PAK6: variants seen among roughly 807,000 people sequenced by gnomAD.
The protein encoded by PAK6 is p21 (RAC1) activated kinase 6.
Under a neutral mutation model 60.8 loss-of-function variants are expected in PAK6, and 33 were observed. The observed-to-expected ratio is 0.54, with a 90% CI of 0.41 to 0.73. PAK6 has a LOEUF of 0.73. Ranked by LOEUF, PAK6 falls within the 30% of genes least tolerant of loss-of-function variation. The pLI is 0.00. For missense variants in PAK6, 845 were observed against 904.1 expected (o/e 0.93, Z 0.84); for synonymous variants, 404 against 378.5 (o/e 1.07, Z -0.78).
intron 1 of PAK6, chr15:40,240,239 G>C (rs1484296524): frequency 1.7e-5 from 3 of 172,160 alleles, no homozygotes; most frequent in Non-Finnish European, 2.5e-5. Flanking sequence ...CTCTTATGCA[G>C]GGCCAGTCAG....
At chr15:40,254,111 G>T (rs1322023903) in intron 3 of PAK6, among the ~76,000 whole-genome samples, 1 of 152,162 alleles carries the variant, frequency 6.6e-6, no homozygotes, top group Non-Finnish European at 1.5e-5. Context: ...AAGAGAGTGG[G>T]GTTTGAATCT....
intron 2 of PAK6, among the ~76,000 whole-genome samples, chr15:40,243,269 G>T (rs564292160): frequency 6.6e-6 from 1 of 152,152 alleles, no homozygotes; most frequent in Non-Finnish European, 1.5e-5. Flanking sequence ...GTGAAGGCTC[G>T]GGGAGATAGA....
chr15:40,273,123 G>T, intron 7 of PAK6, 124 bp downstream of exon 7: 1 of 1,319,698 alleles, frequency 7.6e-7, no homozygotes, highest in South Asian at 1.4e-5. Flanking sequence ...TGCCTGCTGG[G>T]GTAACTGAGA....
intron 2 of PAK6, among the ~76,000 whole-genome samples, chr15:40,248,132 C>G (rs972059572): frequency 6.6e-6 from 1 of 152,194 alleles, no homozygotes; most frequent in African/African-American, 2.4e-5. Flanking sequence ...GGCTCCCGTC[C>G]GCAGGACTCC....
At chr15:40,240,289 C>T (rs1007258411) in intron 1 of PAK6, among the ~76,000 whole-genome samples, 3 of 152,202 alleles carry the variant, frequency 2.0e-5, no homozygotes, top group African/African-American at 7.2e-5. Context: ...GGGACACATT[C>T]AGTGAGAAGG....
At chr15:40,276,020 C>T in exon 11 of PAK6, 3 of 1,613,716 alleles carry the variant, frequency 1.9e-6, no homozygotes, top group Non-Finnish European at 2.5e-6. Context: ...CCACCCCTTC[C>T]TGCTGCAGAC....
At chr15:40,265,859 C>T (rs765661327) in exon 5 of PAK6, 10 of 1,545,412 alleles carry the variant, frequency 6.5e-6, no homozygotes, top group Non-Finnish European at 7.9e-6. Flanking sequence ...TGCGGGGCAG[C>T]GCGATGCCTG....
chr15:40,252,056 C>A, intron 2 of PAK6: 1 of 258,820 alleles, frequency 3.9e-6, no homozygotes, highest in Non-Finnish European at 7.6e-6. Flanking sequence ...ACTGGAATCC[C>A]TTAAATCCCG....
At chr15:40,265,903 T>C in exon 5 of PAK6, 1 of 1,590,284 alleles carries the variant, frequency 6.3e-7, no homozygotes, top group Non-Finnish European at 8.6e-7. Flanking sequence ...CTCAACGACA[T>C]CCAGAAGTTG....
At chr15:40,273,325 T>C (rs374636911) in intron 7 of PAK6, 21 bp from the exon 8 acceptor site, 1 of 1,610,854 alleles carries the variant, frequency 6.2e-7, no homozygotes, top group Non-Finnish European at 8.5e-7. Flanking sequence ...TTTCATCGGG[T>C]GGCCCCACCT....
chr15:40,258,944 T>TTTCCAGCCTGAGGTGGAATCTTCA (rs2038910963), intron 3 of PAK6: 4 of 130,900 alleles, frequency 3.1e-5, no homozygotes, highest in Non-Finnish European at 5.4e-5. Context: ...CTCCCTCCCC[T>TTTCCAGCCTGAGGTGGAATCTTCA]GTGTTAAGGC....
intron 2 of PAK6, among the ~76,000 whole-genome samples, chr15:40,242,135 G>A (rs1214955213): frequency 6.6e-6 from 1 of 152,086 alleles, no homozygotes; most frequent in Non-Finnish European, 1.5e-5. Flanking sequence ...AGGGCAGGCT[G>A]AGCAGGAAAG....
intron 3 of PAK6, among the ~76,000 whole-genome samples, chr15:40,264,121 A>C (rs989947527): frequency 2.0e-5 from 3 of 152,154 alleles, no homozygotes; most frequent in Non-Finnish European, 4.4e-5. Flanking sequence ...CTGATACATA[A>C]TAGTCCCACA....
intron 1 of PAK6, 168 bp from the exon 2 acceptor site, chr15:40,240,424 ACAGCTGG>A (rs1392633099): frequency 2.9e-6 from 1 of 345,258 alleles, no homozygotes; most frequent in African/African-American, 2.2e-5. Context: ...TCTCCCCCAC[ACAGCTGG>A]CAGCTTTGCG....
At chr15:40,272,952 G>A in exon 7 of PAK6, 1 of 1,614,034 alleles carries the variant, frequency 6.2e-7, no homozygotes, top group South Asian at 1.1e-5. Context: ...GGGTGCTCAT[G>A]GAGTTCCTGC....
chr15:40,256,029 G>T (rs1438137086), intron 3 of PAK6, among the ~76,000 whole-genome samples: 1 of 152,172 alleles, frequency 6.6e-6, no homozygotes, highest in Non-Finnish European at 1.5e-5. Flanking sequence ...CTGGAGTAGA[G>T]TAGGTCCATA....
At chr15:40,252,893 G>A in intron 2 of PAK6, 2 of 1,213,740 alleles carry the variant, frequency 1.6e-6, no homozygotes, top group Non-Finnish European at 2.1e-6. Context: ...GGGCATTCGC[G>A]TCCCCGAGAG....
At chr15:40,250,736 G>C (rs2038642876) in intron 2 of PAK6, 1 of 152,158 alleles carries the variant, frequency 6.6e-6, no homozygotes, top group African/African-American at 2.4e-5. Context: ...CTGTGATTTG[G>C]GTATATAAGG....
At chr15:40,246,417 G>A (rs2038496122) in intron 2 of PAK6, 1 of 152,248 alleles carries the variant, frequency 6.6e-6, no homozygotes, top group South Asian at 2.1e-4. Flanking sequence ...TATTCCACTA[G>A]AGTGGATCTT....
Sources: allele counts gnomAD v4.1 joint callset (sites outside exome capture counted in the v4.1 genomes callset), GRCh38; gene constraint gnomAD v4.1.1; transcripts MANE v1.5; gene names NCBI Gene and HGNC (gene_info 2026-07-23, HGNC 2026-07-21).